Variants in CHST8 observed in about 807,000 individuals in gnomAD.
CHST8 encodes the protein carbohydrate sulfotransferase 8.
A neutral mutation model predicts 15.0 loss-of-function variants in CHST8; 10 were observed. The observed-to-expected ratio is 0.67, with a 90% CI of 0.41 to 1.13. The LOEUF (loss-of-function observed/expected upper bound fraction) is 1.13. Ranked by LOEUF, CHST8 falls within the 50% of genes most tolerant of loss-of-function variation. CHST8 has a pLI of 0.00. For missense variants in CHST8, 634 were observed against 608.2 expected, an observed-to-expected ratio of 1.04 and a Z score of -0.45; for synonymous variants, 259 against 256.6, an observed-to-expected ratio of 1.01 and a Z score of -0.09.
At chr19:33,770,688 G>C (rs886065905) in intron 3 of CHST8, among the ~76,000 whole-genome samples, 1 of 152,216 alleles carries the variant, frequency 6.6e-6, no homozygotes, top group Non-Finnish European at 1.5e-5. Context: ...TGATGCACTG[G>C]TCTCTCTGTG....
chr19:33,721,149 T>C (rs1450874321), intron 3 of CHST8, among the ~76,000 whole-genome samples: 2 of 152,204 alleles, frequency 1.3e-5, no homozygotes, highest in Non-Finnish European at 2.9e-5. Flanking sequence ...GCTAGTGCTC[T>C]CGGGGACCCT....
Position 33,663,664 on chromosome 19 carries a change from A to G in CHST8, c.-163-4103A>G, listed in dbSNP as rs535913741. On this transcript the variant is annotated intron_variant, in intron 1 of 4. Coordinates refer to ENST00000650847, the MANE Select transcript of CHST8 (RefSeq NM_001127895.2). ...GGCAGGCGGATCACTTGAGGCCAGG[A>G]GTTCGAGACCATCCTGGCCAACATG... 1.7e-4 allele frequency among the ~76,000 whole-genome samples: 26 copies of G among 152,328 alleles called. No individual in the cohort carries two copies. In the South Asian group the frequency reaches 5.4e-3, roughly 32 times the overall value.
chr19:33,728,165 G>C (rs1166539724), intron 3 of CHST8, among the ~76,000 whole-genome samples: 1 of 152,258 alleles, frequency 6.6e-6, no homozygotes, highest in Non-Finnish European at 1.5e-5. Context: ...CCCCATTTCA[G>C]ACTACTCAGT....
At chr19:33,700,189 G>T (rs1973304521) in intron 3 of CHST8, among the ~76,000 whole-genome samples, 1 of 152,208 alleles carries the variant, frequency 6.6e-6, no homozygotes, top group African/African-American at 2.4e-5. Flanking sequence ...TCTTGCGTCT[G>T]TTTCCTGAAA....
chr19:33,627,098 T>A (rs1045690394), intron 1 of CHST8, among the ~76,000 whole-genome samples: 1 of 68,762 alleles, frequency 1.5e-5, no homozygotes, highest in African/African-American at 4.9e-5. Context: ...CCTCTTTTTT[T>A]GGGGGGGGGG....
At chr19:33,680,858 T>C (rs752836009) in intron 2 of CHST8, among the ~76,000 whole-genome samples, 14 of 152,224 alleles carry the variant, frequency 9.2e-5, no homozygotes, top group Non-Finnish European at 2.1e-4. Context: ...GAAAGGCCAG[T>C]CACTTTTATT....
At chr19:33,694,212 AT>A (rs1973162689) in intron 3 of CHST8, among the ~76,000 whole-genome samples, 6 of 82,680 alleles carry the variant, frequency 7.3e-5, no homozygotes, top group African/African-American at 2.0e-4. Context: ...ATATATATAT[AT>A]ATATATAATG....
At chr19:33,681,726 G>A (rs1044599956) in intron 2 of CHST8, among the ~76,000 whole-genome samples, 4 of 152,160 alleles carry the variant, frequency 2.6e-5, no homozygotes, top group African/African-American at 7.2e-5. Context: ...TCTGAGATAG[G>A]GAAACTCAAG....
At chr19:33,671,513 G>GC (rs147423789) in intron 2 of CHST8, among the ~76,000 whole-genome samples, 1,990 of 152,158 alleles carry the variant, frequency 0.013, 30 homozygotes, top group African/African-American at 0.044. Context: ...CCACATCACT[G>GC]CCCCCCATTG....
At chr19:33,745,443 A>G (rs1261092351) in intron 3 of CHST8, among the ~76,000 whole-genome samples, 3 of 152,160 alleles carry the variant, frequency 2.0e-5, no homozygotes, top group Admixed American at 2.0e-4. Context: ...TGCTCCACCT[A>G]CCACCAATGC....
intron 3 of CHST8, among the ~76,000 whole-genome samples, chr19:33,762,820 G>A (rs1355190531): frequency 6.6e-6 from 1 of 151,678 alleles, no homozygotes; most frequent in Non-Finnish European, 1.5e-5. Flanking sequence ...CAAGGCACTT[G>A]TCCAAGGTCA....
intron 1 of CHST8, among the ~76,000 whole-genome samples, chr19:33,635,362 C>T (rs747211480): frequency 9.2e-5 from 14 of 152,132 alleles, no homozygotes; most frequent in Middle Eastern, 3.2e-3. Context: ...CTGGGTCAGA[C>T]CCTTTGGGTG....
intron 3 of CHST8, among the ~76,000 whole-genome samples, chr19:33,722,215 TG>T (rs71181377): frequency 0.45 from 66,857 of 148,790 alleles, 15,678 homozygotes; most frequent in East Asian, 0.87. Context: ...GTAGACAGTC[TG>T]GATGAGCTGA....
chr19:33,773,171 C>A lies in CHST8; in HGVS notation c.*108C>A. ...CCTGGGAGCAACAGGGCTCTGAGGA[C>A]GTGAGGAGCCATCGCTGTGGGAGGC... is the stretch of plus-strand genomic sequence containing the variant. On this transcript the variant is annotated 3_prime_UTR_variant, in exon 5 of 5. Coordinates refer to ENST00000650847, the MANE Select transcript of CHST8 (RefSeq NM_001127895.2). 1.6e-6 allele frequency: 2 copies of A among 1,268,438 alleles called. No homozygotes were observed. Among genetic ancestry groups the A allele is most frequent in the South Asian group, 1.5e-5 (1 of 65,200 alleles). 78.6% of individuals were successfully genotyped at this position (1,268,438 alleles called of 1,614,324 possible).
intron 3 of CHST8, among the ~76,000 whole-genome samples, chr19:33,704,283 C>A (rs1263956997): frequency 6.6e-6 from 1 of 152,176 alleles, no homozygotes; most frequent in African/African-American, 2.4e-5. Flanking sequence ...AGTCCCAAGA[C>A]CCCATCCCAC....
At chr19:33,683,333 A>T (rs1207961463) in intron 2 of CHST8, among the ~76,000 whole-genome samples, 2 of 152,230 alleles carry the variant, frequency 1.3e-5, no homozygotes, top group Admixed American at 1.3e-4. Flanking sequence ...TAGAGGGAGA[A>T]TCAACATTTG....
intron 3 of CHST8, among the ~76,000 whole-genome samples, chr19:33,745,006 C>T (rs955444701): frequency 2.0e-5 from 3 of 152,200 alleles, no homozygotes; most frequent in Non-Finnish European, 4.4e-5. Flanking sequence ...CTCAGCCTCC[C>T]AAAGTGCTGG....
chr19:33,669,149 A>G (rs1479123694), intron 2 of CHST8, among the ~76,000 whole-genome samples: 2 of 152,178 alleles, frequency 1.3e-5, no homozygotes, highest in Admixed American at 6.5e-5. Context: ...AAACCCACAG[A>G]CACACATACG....
rs542349744 is a variant in CHST8, at chr19:33,766,320, C to G, written c.131-5093C>G. Among the ~76,000 whole-genome samples the G allele has an allele frequency of 2.2e-4, 33 of 152,148 alleles. No individual in the cohort carries two copies. In the South Asian group the frequency reaches 6.4e-3, roughly 30 times the overall value. ...CTGATAACCCTAACTAGCATGCCAC[C>G]CCCCCATTCAGAACCCTTCATACTT... On this transcript the variant is annotated intron_variant, in intron 3 of 4. Coordinates refer to ENST00000650847, the MANE Select transcript of CHST8 (RefSeq NM_001127895.2).
Sources: allele counts gnomAD v4.1 joint callset (sites outside exome capture counted in the v4.1 genomes callset), GRCh38; gene constraint gnomAD v4.1.1; transcripts MANE v1.5; gene names NCBI Gene and HGNC (gene_info 2026-07-23, HGNC 2026-07-21).